Variants in LRP1 observed in about 807,000 individuals in gnomAD.
The protein encoded by LRP1 is LDL receptor related protein 1, also known as prolow-density lipoprotein receptor-related protein 1.
In LRP1, 51 loss-of-function variants were observed where a neutral mutation model predicts 541.5. The ratio of observed to expected loss-of-function variants is 0.09; its 90% CI spans 0.08 to 0.12. The LOEUF is 0.12. Ranked by LOEUF, LRP1 falls within the 10% of genes least tolerant of loss-of-function variation. The pLI, the probability that LRP1 is intolerant of heterozygous loss-of-function variation, is 1.00. For missense variants in LRP1, 3,878 were observed against 6,376.2 expected (o/e 0.61, Z 13.34); for synonymous variants, 2,219 against 2,470.8 (o/e 0.90, Z 3.02).
At chr12:57,190,502 G>A (rs1006579506) in intron 42 of LRP1, among the ~76,000 whole-genome samples, 7 of 152,220 alleles carry the variant, frequency 4.6e-5, no homozygotes, top group Non-Finnish European at 7.4e-5. Context: ...TGGAACCCCA[G>A]GGCCTGTCTC....
rs976895040 is a variant in LRP1, at chr12:57,197,872, C to T, written c.9282+208C>T. On this transcript the variant is annotated intron_variant, in intron 58 of 88. Transcript: ENST00000243077. This position sits in a 1 kb window ranked among gnomAD's most constrained non-coding sequence, Gnocchi z 4.5. ...TCTTGCCCTTCCCCTCGCTGCCAGC[C>T]TCATGTCTCCTTAATCATCAGGAAG... is the stretch of plus-strand genomic sequence containing the variant. Among the ~76,000 whole-genome samples the T allele has an allele frequency of 6.6e-6, 1 of 152,206 alleles. No homozygotes were observed. Among genetic ancestry groups the T allele is most frequent in the Non-Finnish European group, 1.5e-5 (1 of 68,042 alleles).
In LRP1 at chr12:57,184,901, A is replaced by C; in HGVS notation, c.6249A>C (p.Thr2083=). 1 of 1,614,192 alleles carries C rather than the reference A, an allele frequency of 6.2e-7. No individual in the cohort carries two copies. ...TDKIERIDLE[T]GENREVVLSS... ...AGATTGAACGGATCGACCTGGAGAC[A>C]GGTGAGAACCGCGAGGTGGTTCTGT... The change falls in exon 39 of 89, where the codon ACA becomes ACC. Residue 2083 remains threonine, a synonymous_variant. Transcript: ENST00000243077. This position sits in a 1 kb window ranked among gnomAD's most constrained non-coding sequence, Gnocchi z 7.8.
Position 57,211,220 on chromosome 12 carries a change from G to C in LRP1, c.12961G>C (p.Ala4321Pro). The change falls in exon 84 of 89, where the codon GCT (alanine) becomes CCT (proline). Residue 4321 changes from alanine to proline, a missense_variant. Coordinates refer to ENST00000243077, the MANE Select transcript of LRP1 (RefSeq NM_002332.3). The surrounding 1 kb of genome is among the most constrained non-coding windows in gnomAD (Gnocchi z 4.3). ...YCENFGTCQM[A>P]ADGSRQCRCT... Reference sequence around the variant, plus strand: ...TGAGAACTTTGGCACATGCCAGATGGCTGCTGATGGCTCCCGACAATGCCG... The same window carrying C: ...TGAGAACTTTGGCACATGCCAGATGCCTGCTGATGGCTCCCGACAATGCCG... The C allele has an allele frequency of 6.2e-7, 1 of 1,614,240 alleles. No individual in the cohort carries two copies. The highest frequency in any genetic ancestry group is 8.5e-7 in the Non-Finnish European group (1 of 1,180,048).
chr12:57,173,996 A>G lies in LRP1; in HGVS notation c.3547+16A>G, dbSNP rs1219411774. On this transcript the variant is annotated intron_variant, in intron 22 of 88. Transcript: ENST00000243077. This position sits in a 1 kb window ranked among gnomAD's most constrained non-coding sequence, Gnocchi z 4.7. ...GAGCTCTGCGGTGAGGCCTGGTCCC[A>G]GGAGAAGGGTAGGGAGGGTGGCTGG... The G allele has an allele frequency of 1.2e-6, 2 of 1,612,996 alleles. No homozygotes were observed. The highest frequency in any genetic ancestry group is 1.7e-6 in the Non-Finnish European group (2 of 1,179,702).
chr12:57,169,581 T>C (rs2035906002), intron 20 of LRP1, among the ~76,000 whole-genome samples: 1 of 152,240 alleles, frequency 6.6e-6, no homozygotes, highest in South Asian at 2.1e-4. Context: ...CTGGGTGGCC[T>C]TGAGCAAGTT....
chr12:57,162,217 C>A lies in LRP1; in HGVS notation c.2203-100C>A. The A allele has an allele frequency of 1.9e-6, 2 of 1,073,110 alleles. No homozygotes were observed. Among genetic ancestry groups the A allele is most frequent in the Non-Finnish European group, 2.9e-6 (2 of 698,950 alleles). 66.5% of individuals were successfully genotyped at this position (1,073,110 alleles called of 1,614,324 possible). A position where few individuals can be genotyped will look rare whatever the true frequency, so the allele number is the denominator to read the frequency against. On this transcript the variant is annotated intron_variant, in intron 13 of 88. Coordinates refer to ENST00000243077, the MANE Select transcript of LRP1 (RefSeq NM_002332.3). The surrounding 1 kb of genome is among the most constrained non-coding windows in gnomAD (Gnocchi z 5.2). ...GCTAATGGGGGAAACAAAGCAAAAC[C>A]CATGCCCAGGACATAGACAAATGAA...
chr12:57,210,910 T>C, intron 83 of LRP1, 31 bp downstream of exon 83: 1 of 1,595,442 alleles, frequency 6.3e-7, no homozygotes, highest in Non-Finnish European at 8.6e-7. Context: ...CCCCAGGGCA[T>C]GCGGGAGGGT....
chr12:57,134,116 GC>G (rs1425978543), intron 1 of LRP1, among the ~76,000 whole-genome samples: 1 of 152,164 alleles, frequency 6.6e-6, no homozygotes, highest in Non-Finnish European at 1.5e-5. Context: ...CCGTGGCTGG[GC>G]TGGGTGCCTG....
chr12:57,154,169 C>G lies in LRP1; in HGVS notation c.842-39C>G. 1 of 1,587,092 alleles carries G rather than the reference C, an allele frequency of 6.3e-7. No individual in the cohort carries two copies. The highest frequency in any genetic ancestry group is 8.6e-7 in the Non-Finnish European group (1 of 1,160,590). On this transcript the variant is annotated intron_variant, in intron 6 of 88. Coordinates refer to ENST00000243077, the MANE Select transcript of LRP1 (RefSeq NM_002332.3). The surrounding 1 kb of genome is among the most constrained non-coding windows in gnomAD (Gnocchi z 4.6). ...AAGGGTGGGCATCTCTGCAAGAGGG[C>G]CTACCCCACCCCATGGCTCTTTCAT...
Position 57,185,205 on chromosome 12 carries a change from G to T in LRP1, c.6463G>T (p.Gly2155Cys). 6.2e-7 allele frequency: 1 copy of T among 1,614,176 alleles called. No homozygotes were observed. Among genetic ancestry groups the T allele is most frequent in the Non-Finnish European group, 8.5e-7 (1 of 1,180,014 alleles). ...AGTCTTCAACCGGGACCGGCAGAAA[G>T]GTGAGGCTGGGGCTCTGGGCTGGGG... Reference protein sequence around the residue: ...IKVFNRDRQKGTNVCAVANGG... With the variant: ...IKVFNRDRQKCTNVCAVANGG... The change falls in exon 40 of 89, where the codon GGC becomes TGC. Residue 2155 changes from glycine to cysteine, a missense_variant and splice_region_variant. Gly to Cys is a radical substitution (Grantham distance 159). Around this residue, in one of 13 missense-constraint regions of LRP1, gnomAD observed 1,100 missense variants for 1,827.4 expected, o/e 0.60. Transcript: ENST00000243077. The surrounding 1 kb of genome is among the most constrained non-coding windows in gnomAD (Gnocchi z 4.9).
At chr12:57,166,447 G>T in intron 17 of LRP1, 1 of 495,526 alleles carries the variant, frequency 2.0e-6, no homozygotes. Context: ...TCTAGTCCCA[G>T]CTACTTGAGA....
chr12:57,170,643 A>G (rs2035926955), intron 20 of LRP1, among the ~76,000 whole-genome samples: 1 of 152,042 alleles, frequency 6.6e-6, no homozygotes, highest in African/African-American at 2.4e-5. Flanking sequence ...ACATAGTGAG[A>G]CCCCTTTCTC....
intron 42 of LRP1, among the ~76,000 whole-genome samples, chr12:57,188,644 G>C (rs2036317155): frequency 6.6e-6 from 1 of 152,236 alleles, no homozygotes; most frequent in Non-Finnish European, 1.5e-5. Flanking sequence ...CAGAGGACGT[G>C]ACCCCCTGGC....
chr12:57,141,015 T>C (rs980950822), intron 2 of LRP1, among the ~76,000 whole-genome samples: 2 of 152,164 alleles, frequency 1.3e-5, no homozygotes, highest in Admixed American at 1.3e-4. Flanking sequence ...ATTATAGGTG[T>C]GAGCCATCAC....
chr12:57,162,812 C>T lies in LRP1; in HGVS notation c.2405-46C>T. 6.4e-7 allele frequency: 1 copy of T among 1,568,046 alleles called. No homozygotes were observed. The highest frequency in any genetic ancestry group is 8.6e-7 in the Non-Finnish European group (1 of 1,156,226). The stretch of plus-strand genomic sequence containing the variant: ...TCCCCTATCCCTTCTCTGACCTCTC[C>T]TCACCTCTTCCTCCCTTTGCCTTTC... On this transcript the variant is annotated intron_variant, in intron 14 of 88. Coordinates refer to ENST00000243077, the MANE Select transcript of LRP1 (RefSeq NM_002332.3). This position sits in a 1 kb window ranked among gnomAD's most constrained non-coding sequence, Gnocchi z 5.2.
chr12:57,209,580 C>G (rs2036862612), intron 79 of LRP1, 112 bp from the exon 80 acceptor site: 2 of 870,196 alleles, frequency 2.3e-6, no homozygotes, highest in Admixed American at 3.9e-5. Context: ...AGAATTTGGT[C>G]TGGATGTGTT....
Position 57,183,516 on chromosome 12 carries a change from C to A in LRP1, c.5794+6C>A. 6.2e-7 allele frequency: 1 copy of A among 1,611,688 alleles called. No individual in the cohort carries two copies. The highest frequency in any genetic ancestry group is 1.1e-5 in the South Asian group (1 of 90,870). On this transcript the variant is annotated splice_donor_region_variant and intron_variant, in intron 35 of 88. Transcript: ENST00000243077. The surrounding 1 kb of genome is among the most constrained non-coding windows in gnomAD (Gnocchi z 6.1). The stretch of plus-strand genomic sequence containing the variant: ...CGGCATCGACTTCCACGCTGGTGAG[C>A]CATTTGGTGGCAGAGGGAGTTGGGC...
Position 57,179,430 on chromosome 12 carries a change from A to G in LRP1, c.4840A>G (p.Ile1614Val), listed in dbSNP as rs781777405. The change falls in exon 29 of 89, where the codon ATC (isoleucine) becomes GTC (valine). Residue 1614 changes from isoleucine to valine, a missense_variant. By Grantham distance (29) the Ile-to-Val change is conservative. Coordinates refer to ENST00000243077, the MANE Select transcript of LRP1 (RefSeq NM_002332.3). This position sits in a 1 kb window ranked among gnomAD's most constrained non-coding sequence, Gnocchi z 6.8. The part of the protein sequence containing the change: ...NYIISFTVPD[I>V]DNVTVLDYDA... Reference sequence around the variant, plus strand: ...CATCATCTCCTTCACGGTGCCCGACATCGACAACGTCACAGTGCTAGACTA... The same window carrying G: ...CATCATCTCCTTCACGGTGCCCGACGTCGACAACGTCACAGTGCTAGACTA... 25 of 1,614,116 alleles carry G rather than the reference A, an allele frequency of 1.5e-5. No homozygotes were observed. Among genetic ancestry groups the G allele is most frequent in the Non-Finnish European group, 2.1e-5 (25 of 1,180,032 alleles).
chr12:57,162,656 C>T lies in LRP1; in HGVS notation c.2404+138C>T, dbSNP rs2035760060. ...ACTTTTGAGGATCCTGAGAAGAGAA[C>T]TCCCCCAACACAATCTGATTCTCTG... On this transcript the variant is annotated intron_variant, in intron 14 of 88. Coordinates refer to ENST00000243077, the MANE Select transcript of LRP1 (RefSeq NM_002332.3). The surrounding 1 kb of genome is among the most constrained non-coding windows in gnomAD (Gnocchi z 5.2). 2 of 1,119,270 alleles carry T rather than the reference C, an allele frequency of 1.8e-6. No individual in the cohort carries two copies. Among genetic ancestry groups the T allele is most frequent in the Admixed American group, 2.1e-5 (1 of 46,716 alleles). The allele number at this position is 1,119,270 out of a possible 1,614,324, so 69.3% of individuals were successfully genotyped here.
Sources: allele counts gnomAD v4.1 joint callset (sites outside exome capture counted in the v4.1 genomes callset), GRCh38; gene constraint gnomAD v4.1.1; regional missense constraint gnomAD v4.1.1; non-coding constraint Gnocchi (gnomAD v3.1); transcripts MANE v1.5; gene names NCBI Gene and HGNC (gene_info 2026-07-23, HGNC 2026-07-21).